The following CBLL1 variants were observed in gnomAD, a reference collection of about 807,000 sequenced individuals.
CBLL1 encodes E3 ubiquitin-protein ligase Hakai.
In CBLL1, 4 loss-of-function variants were observed where a neutral mutation model predicts 44.9. The ratio of observed to expected loss-of-function variants is 0.09; its 90% CI spans 0.04 to 0.20. CBLL1 has a LOEUF of 0.20. Among genes scored for constraint, CBLL1 ranks in the 10% least tolerant of loss-of-function variants. The pLI, the probability that CBLL1 is intolerant of heterozygous loss-of-function variation, is 1.00. For synonymous variants in CBLL1, 235 were observed against 202.2 expected, an observed-to-expected ratio of 1.16 and a Z score of -1.38; for missense variants, 569 against 636.7, an observed-to-expected ratio of 0.89 and a Z score of 1.14.
Position 107,758,842 on chromosome 7 carries a change from T to A in CBLL1, c.1140T>A (p.Ala380=). The change falls in exon 6 of 6, where the codon GCT becomes GCA. Residue 380 remains alanine (A), a synonymous_variant. Coordinates refer to ENST00000440859, the MANE Select transcript of CBLL1 (RefSeq NM_024814.4). This position sits in a 1 kb window ranked among gnomAD's most constrained non-coding sequence, Gnocchi z 4.2. ...CTCCACCTCCACCAATGACCTCTGC[T>A]CCACCACCAATAACCCCTCCCCCTG... is the stretch of plus-strand genomic sequence containing the variant. ...SQAPPPPMTS[A]PPPITPPPGH... 6.2e-7 allele frequency: 1 copy of A among 1,613,788 alleles called. No homozygotes were observed. The highest frequency in any genetic ancestry group is 1.1e-5 in the South Asian group (1 of 91,054).
At chr7:107,755,771 A>G (rs1349755428) in intron 5 of CBLL1, among the ~76,000 whole-genome samples, 1 of 152,176 alleles carries the variant, frequency 6.6e-6, no homozygotes, top group African/African-American at 2.4e-5. Context: ...GGGACATTAA[A>G]GAAGTATTAA....
chr7:107,749,029 G>C lies in CBLL1; in HGVS notation c.163G>C (p.Ala55Pro). The C allele has an allele frequency of 6.2e-7, 1 of 1,613,814 alleles. No individual in the cohort carries two copies. Among genetic ancestry groups the C allele is most frequent in the Non-Finnish European group, 8.5e-7 (1 of 1,179,886 alleles). The change falls in exon 2 of 6, where the codon GCT (alanine) becomes CCT (proline). Residue 55 changes from alanine to proline, a missense_variant. Around this residue, in one of 5 missense-constraint regions of CBLL1, gnomAD observed 209 missense variants for 202.8 expected, o/e 1.03. Transcript: ENST00000440859. ...AACTATAAACAGGATGCCTGCAAAG[G>C]CTCCACCTGGTGATGAAGGTAATTT... ...QRTINRMPAK[A>P]PPGDEEGFDY...
At chr7:107,754,672 T>G (rs969335645) in intron 4 of CBLL1, among the ~76,000 whole-genome samples, 4 of 152,232 alleles carry the variant, frequency 2.6e-5, no homozygotes, top group African/African-American at 9.6e-5. Context: ...TGATTGATTT[T>G]TAGATTTTTA....
chr7:107,745,064 GTTTA>G lies in CBLL1; in HGVS notation c.13+894_13+897del, dbSNP rs529511984. 1.8e-3 allele frequency among the ~76,000 whole-genome samples: 281 copies of G among 152,290 alleles called. 2 individuals are homozygous for G. The highest frequency in any genetic ancestry group is 3.1e-3 in the Non-Finnish European group (212 of 68,026). ...TATGTTTATTTATGTAGGTGTGTAT[GTTTA>G]TTTATGCAAGATACATGCAGATATC... On this transcript the variant is annotated intron_variant, in intron 1 of 5. Transcript: ENST00000440859.
intron 5 of CBLL1, 159 bp downstream of exon 5, chr7:107,755,650 T>C: frequency 2.5e-6 from 1 of 396,838 alleles, no homozygotes; most frequent in Non-Finnish European, 4.6e-6. Context: ...GTTAGGTTTC[T>C]CTTTAATATA....
intron 1 of CBLL1, among the ~76,000 whole-genome samples, chr7:107,745,314 T>A (rs1792957984): frequency 6.6e-6 from 1 of 152,164 alleles, no homozygotes; most frequent in Non-Finnish European, 1.5e-5. Flanking sequence ...TTGTGGAAGC[T>A]AAGATCTGAT....
intron 5 of CBLL1, 199 bp downstream of exon 5, chr7:107,755,690 A>T (rs1477426563): frequency 3.0e-6 from 1 of 330,742 alleles, no homozygotes; most frequent in African/African-American, 2.2e-5. Context: ...AGTCAACTCA[A>T]ATTGGTCAAA....
intron 5 of CBLL1, among the ~76,000 whole-genome samples, chr7:107,757,809 T>C (rs1442226216): frequency 2.6e-5 from 4 of 152,208 alleles, no homozygotes; most frequent in Non-Finnish European, 5.9e-5. Flanking sequence ...GTTGGTTTTT[T>C]TCTTGCTGGG....
At position 107,759,396 on chromosome 7, in the gene CBLL1, A is replaced by AT. The variant is rs2115734044; in HGVS notation, c.*222dup. 2.4e-6 allele frequency: 1 copy of AT among 415,254 alleles called. No homozygotes were observed. Among genetic ancestry groups the AT allele is most frequent in the African/African-American group, 2.0e-5 (1 of 49,600 alleles). The allele number at this position is 415,254 out of a possible 1,614,324, so 25.7% of individuals were successfully genotyped here. A position where few individuals can be genotyped will look rare whatever the true frequency, so the allele number is the denominator to read the frequency against. ...AAGTGGCTCAGTTGAGCACAGCTATATTTTAACATCTCTTTGTTCCCCTAG... is the reference window on the plus strand; with the variant it reads ...AAGTGGCTCAGTTGAGCACAGCTATATTTTTAACATCTCTTTGTTCCCCTAG... On this transcript the variant is annotated 3_prime_UTR_variant, in exon 6 of 6. Transcript: ENST00000440859.
chr7:107,752,563 C>G (rs1007037635), intron 2 of CBLL1: 2 of 1,289,464 alleles, frequency 1.6e-6, no homozygotes, highest in East Asian at 5.5e-5. Flanking sequence ...CCAAAAGAGT[C>G]GTGAGAAGCC....
chr7:107,752,099 C>T (rs551449573), intron 2 of CBLL1, among the ~76,000 whole-genome samples: 47 of 149,788 alleles, frequency 3.1e-4, no homozygotes, highest in African/African-American at 1.2e-3. Context: ...CTCGGGAGGC[C>T]GAGGCAGGAG....
At chr7:107,755,018 C>T (rs1793464849) in intron 4 of CBLL1, among the ~76,000 whole-genome samples, 2 of 151,972 alleles carry the variant, frequency 1.3e-5, no homozygotes, top group South Asian at 2.1e-4. Flanking sequence ...CCTCGCTATT[C>T]TGGAGGCTGA....
At chr7:107,753,874 T>G in intron 3 of CBLL1, 21 bp from the exon 4 acceptor site, 1 of 1,469,298 alleles carries the variant, frequency 6.8e-7, no homozygotes, top group Non-Finnish European at 9.3e-7. Context: ...GAAGGTAATT[T>G]TAATTATATC....
chr7:107,756,525 T>C (rs545293657), intron 5 of CBLL1, among the ~76,000 whole-genome samples: 4 of 152,166 alleles, frequency 2.6e-5, no homozygotes, highest in Non-Finnish European at 4.4e-5. Flanking sequence ...TCACTTGTTT[T>C]TTGGGTGTTT....
At chr7:107,756,572 A>G (rs1793538416) in intron 5 of CBLL1, among the ~76,000 whole-genome samples, 1 of 152,156 alleles carries the variant, frequency 6.6e-6, no homozygotes, top group Non-Finnish European at 1.5e-5. Context: ...GTATACATTC[A>G]TTTTAAGTTA....
rs1381044244 is a variant in CBLL1, at chr7:107,759,288, A to G, written c.*110A>G. On this transcript the variant is annotated 3_prime_UTR_variant, in exon 6 of 6. Transcript: ENST00000440859. ...AGAGTACCTCTTATCGAGGTAGTATAAAACACATAGGGTCTTGTTTCTTAA... is the reference window on the plus strand; with the variant it reads ...AGAGTACCTCTTATCGAGGTAGTATGAAACACATAGGGTCTTGTTTCTTAA... 1.1e-6 allele frequency: 1 copy of G among 912,780 alleles called. No individual in the cohort carries two copies. Among genetic ancestry groups the G allele is most frequent in the African/African-American group, 1.7e-5 (1 of 60,010 alleles). 56.5% of individuals were successfully genotyped at this position (912,780 alleles called of 1,614,324 possible).
chr7:107,758,943 C>G lies in CBLL1; in HGVS notation c.1241C>G (p.Pro414Arg). ...PGPPPPQHGGPPVTAPPPHHY... is the reference protein window; with the variant it reads ...PGPPPPQHGGRPVTAPPPHHY... Reference sequence around the variant, plus strand: ...CCTCCCCCACCTCAACATGGTGGTCCACCTGTAACTGCACCCCCTCCTCAC... The same window carrying G: ...CCTCCCCCACCTCAACATGGTGGTCGACCTGTAACTGCACCCCCTCCTCAC... The change falls in exon 6 of 6, where the codon CCA (proline) becomes CGA (arginine). Residue 414 changes from proline to arginine, a missense_variant. By Grantham distance (103) the Pro-to-Arg change is moderately radical (BLOSUM62 -2). Transcript: ENST00000440859. This position sits in a 1 kb window ranked among gnomAD's most constrained non-coding sequence, Gnocchi z 4.2. 1 of 1,613,458 alleles carries G rather than the reference C, an allele frequency of 6.2e-7. No individual in the cohort carries two copies. The highest frequency in any genetic ancestry group is 8.5e-7 in the Non-Finnish European group (1 of 1,179,650).
rs765416320 is a variant in CBLL1 at position 107,758,386 on chromosome 7, T to C, written c.684T>C (p.His228=). Residue 228 remains histidine, a synonymous_variant, in exon 6 of 6, where the codon CAT becomes CAC. Coordinates refer to ENST00000440859, the MANE Select transcript of CBLL1 (RefSeq NM_024814.4). The surrounding 1 kb of genome is among the most constrained non-coding windows in gnomAD (Gnocchi z 4.2). ...ERFIMPPDKH[H]MSHIPPKQHI... is the part of the protein sequence containing the mutation. ...TTATAATGCCACCAGACAAGCACCA[T>C]ATGAGCCATATTCCGCCAAAGCAGC... 1 of 1,614,078 alleles carries C rather than the reference T, an allele frequency of 6.2e-7. No individual in the cohort carries two copies. Among genetic ancestry groups the C allele is most frequent in the Non-Finnish European group, 8.5e-7 (1 of 1,180,012 alleles).
At chr7:107,745,855 G>C (rs944321159) in intron 1 of CBLL1, among the ~76,000 whole-genome samples, 6 of 152,132 alleles carry the variant, frequency 3.9e-5, no homozygotes, top group African/African-American at 1.2e-4. Context: ...GAGGTGAGAC[G>C]GGAATTTGGG....
Sources: allele counts gnomAD v4.1 joint callset (sites outside exome capture counted in the v4.1 genomes callset), GRCh38; gene constraint gnomAD v4.1.1; regional missense constraint gnomAD v4.1.1; non-coding constraint Gnocchi (gnomAD v3.1); transcripts MANE v1.5; gene names NCBI Gene and HGNC (gene_info 2026-07-23, HGNC 2026-07-21).